Variants in STAB2 observed in about 807,000 individuals in gnomAD.
STAB2 encodes stabilin 2.
In STAB2, 288 loss-of-function variants were observed where a neutral mutation model predicts 338.1. That is an observed-to-expected ratio of 0.85 (90% CI 0.77 to 0.94). The LOEUF is 0.94. Among genes scored for constraint, STAB2 ranks in the 40% least tolerant of loss-of-function variants. The pLI is 0.00. For synonymous variants in STAB2, 1,202 were observed against 1,193.3 expected, an observed-to-expected ratio of 1.01 and a Z score of -0.15; for missense variants, 3,141 against 3,210.1, an observed-to-expected ratio of 0.98 and a Z score of 0.52.
At chr12:103,589,794 A>G (rs900607899) in intron 1 of STAB2, among the ~76,000 whole-genome samples, 1 of 152,228 alleles carries the variant, frequency 6.6e-6, no homozygotes, top group Non-Finnish European at 1.5e-5. Flanking sequence ...GAAGAGTTAC[A>G]GCAGCCAGCA....
chr12:103,749,470 T>A (rs890355550), intron 59 of STAB2, among the ~76,000 whole-genome samples: 1 of 152,060 alleles, frequency 6.6e-6, no homozygotes, highest in Non-Finnish European at 1.5e-5. Context: ...GTAGAGAGTA[T>A]AGGAGAGTTT....
chr12:103,687,764 T>C (rs1387151207), intron 27 of STAB2, among the ~76,000 whole-genome samples: 3 of 152,208 alleles, frequency 2.0e-5, no homozygotes, highest in Non-Finnish European at 4.4e-5. Flanking sequence ...TGTGGTTTGC[T>C]TCCATTGTTC....
chr12:103,747,120 C>G (rs1392738660), intron 58 of STAB2, among the ~76,000 whole-genome samples: 2 of 151,970 alleles, frequency 1.3e-5, no homozygotes, highest in African/African-American at 4.8e-5. Context: ...CCGCACCTGG[C>G]TAACTTTAGA....
chr12:103,609,292 CATG>C (rs1235591118), intron 3 of STAB2, among the ~76,000 whole-genome samples: 1 of 152,232 alleles, frequency 6.6e-6, no homozygotes, highest in Non-Finnish European at 1.5e-5. Context: ...TATCCATTTT[CATG>C]ATATTGATTC....
intron 22 of STAB2, among the ~76,000 whole-genome samples, chr12:103,671,681 ATAT>A (rs1259199510): frequency 1.3e-5 from 2 of 152,210 alleles, no homozygotes; most frequent in African/African-American, 2.4e-5. Flanking sequence ...TGTGCCACAA[ATAT>A]TATTATCTCA....
chr12:103,645,363 A>G (rs985160460), intron 9 of STAB2, among the ~76,000 whole-genome samples: 1 of 152,244 alleles, frequency 6.6e-6, no homozygotes, highest in Admixed American at 6.5e-5. Flanking sequence ...CATGCATTCC[A>G]TTAGCACTGA....
At chr12:103,670,657 T>C (rs199929471) in intron 21 of STAB2, 39 bp from the exon 22 acceptor site, 3 of 1,501,602 alleles carry the variant, frequency 2.0e-6, no homozygotes, top group East Asian at 2.3e-5. Context: ...CTGAGAACTA[T>C]GTGTCCTAAT....
At chr12:103,684,933 A>G in intron 26 of STAB2, 56 bp from the exon 27 acceptor site, 1 of 1,552,470 alleles carries the variant, frequency 6.4e-7, no homozygotes, top group Non-Finnish European at 8.9e-7. Flanking sequence ...CATAGATGTA[A>G]CTCAGGTCTA....
At chr12:103,658,090 A>G (rs1175519178) in intron 15 of STAB2, 4 of 152,254 alleles carry the variant, frequency 2.6e-5, no homozygotes, top group Non-Finnish European at 5.9e-5. Flanking sequence ...TGAACCAGAC[A>G]GAAATAAAAG....
At position 103,670,770 on chromosome 12, in the gene STAB2, C is replaced by T. The variant is rs747584648; in HGVS notation, c.2334C>T (p.Cys778=). The change falls in exon 22 of 69, where the codon TGC becomes TGT. Residue 778 remains cysteine (C), a synonymous_variant. Coordinates refer to ENST00000388887, the MANE Select transcript of STAB2 (RefSeq NM_017564.10). Reference sequence around the variant, plus strand: ...TCCAAGGCTCCCAGTGTCAGTTCTGCTCTGATCCCAATAAATACGGACCTC... The same window carrying T: ...TCCAAGGCTCCCAGTGTCAGTTCTGTTCTGATCCCAATAAATACGGACCTC... ...EGFQGSQCQF[C]SDPNKYGPRC... is the part of the protein sequence containing the mutation. The T allele has an allele frequency of 2.5e-6, 4 of 1,614,132 alleles. No individual in the cohort carries two copies. The South Asian group carries it at 3.3e-5, about 13-fold the overall frequency.
At position 103,733,238 on chromosome 12, in the gene STAB2, T is replaced by C. The variant is rs967585028; in HGVS notation, c.5460+56T>C. ...AGAATGTCCCAGGGTGGTGATAAAA[T>C]TCAGCACCAAGGCATTGTGGCCTAG... is the stretch of plus-strand genomic sequence containing the variant. On this transcript the variant is annotated intron_variant, in intron 51 of 68. Coordinates refer to ENST00000388887, the MANE Select transcript of STAB2 (RefSeq NM_017564.10). 7.0e-6 allele frequency: 11 copies of C among 1,582,286 alleles called. No homozygotes were observed. The East Asian group carries it at 1.3e-4, about 19-fold the overall frequency.
At chr12:103,729,480 T>G (rs1273092287) in intron 48 of STAB2, among the ~76,000 whole-genome samples, 1 of 152,218 alleles carries the variant, frequency 6.6e-6, no homozygotes, top group Non-Finnish European at 1.5e-5. Flanking sequence ...GCACTTAGTA[T>G]TTGATGTGTA....
chr12:103,741,540 A>T (rs909199787), intron 55 of STAB2, among the ~76,000 whole-genome samples: 1 of 152,030 alleles, frequency 6.6e-6, no homozygotes, highest in Non-Finnish European at 1.5e-5. Flanking sequence ...TACAGTCTCA[A>T]CCCTCTGGGC....
In STAB2 at chr12:103,766,331, CTG is replaced by C. The variant is rs778611029; in HGVS notation, c.7654_7655del (p.Ter2552ArgfsTer45). ...TGAGGGCAATGACCCCTTGAGGACA[CTG>C]TGAGGGCCTGGACGGGAGATGCCAG... ...QLEGNDPLRT[L>X] On this transcript the variant is annotated frameshift_variant, in exon 69 of 69. Coordinates refer to ENST00000388887, the MANE Select transcript of STAB2 (RefSeq NM_017564.10). LOFTEE classifies it high-confidence loss of function. The C allele has an allele frequency of 6.2e-7, 1 of 1,611,150 alleles. No individual in the cohort carries two copies. The highest frequency in any genetic ancestry group is 1.3e-5 in the African/African-American group (1 of 74,896).
chr12:103,766,019 C>A, intron 68 of STAB2: 1 of 619,322 alleles, frequency 1.6e-6, no homozygotes, highest in Non-Finnish European at 3.0e-6. Flanking sequence ...TATATTATGA[C>A]CCTTTGTAGA....
At chr12:103,746,799 C>G in intron 58 of STAB2, 95 bp downstream of exon 58, 1 of 1,205,728 alleles carries the variant, frequency 8.3e-7, no homozygotes, top group South Asian at 1.3e-5. Flanking sequence ...AGCCCTCCTT[C>G]CTGTCTGGGC....
intron 37 of STAB2, among the ~76,000 whole-genome samples, chr12:103,706,536 C>A (rs1486275149): frequency 6.6e-6 from 1 of 152,106 alleles, no homozygotes; most frequent in African/African-American, 2.4e-5. Context: ...TTTTCTTCAT[C>A]CTCTTCTCTG....
rs376654331 is a variant in STAB2, at chr12:103,708,549, C to T, written c.4288+13C>T. 1.3e-5 allele frequency: 21 copies of T among 1,612,362 alleles called. No individual in the cohort carries two copies. Among genetic ancestry groups the T allele is most frequent in the Non-Finnish European group, 1.8e-5 (21 of 1,178,428 alleles). On this transcript the variant is annotated intron_variant, in intron 39 of 68. Coordinates refer to ENST00000388887, the MANE Select transcript of STAB2 (RefSeq NM_017564.10). ...CATTGTGACAATGGTAAGAGTGAGG[C>T]CTCCAGTATTTATAATCTGCTCTAA...
intron 26 of STAB2, among the ~76,000 whole-genome samples, chr12:103,684,184 C>A (rs181738846): frequency 3.3e-5 from 5 of 152,178 alleles, no homozygotes; most frequent in Non-Finnish European, 1.5e-5. Flanking sequence ...TTGAGGTAAA[C>A]GGTTCCCCCA....
Sources: gnomAD v4.1 joint callset for allele counts (sites outside exome capture counted in the v4.1 genomes callset) on GRCh38, gnomAD v4.1.1 for gene constraint, MANE v1.5 for transcripts, NCBI Gene and HGNC (gene_info 2026-07-23, HGNC 2026-07-21) for gene names.